Variants in RAD51B observed in about 807,000 individuals in gnomAD.
RAD51B encodes the protein DNA repair protein RAD51 homolog 2.
Under a neutral mutation model 42.2 loss-of-function variants are expected in RAD51B, and 38 were observed. That is an observed-to-expected ratio of 0.90 (90% confidence interval 0.70 to 1.18). The LOEUF (loss-of-function observed/expected upper bound fraction) is 1.18, where lower values mean the gene tolerates loss of function less well. Ranked by LOEUF, RAD51B falls within the 50% of genes most tolerant of loss-of-function variation. The pLI is 0.00. For missense variants in RAD51B, 373 were observed against 400.7 expected, an observed-to-expected ratio of 0.93 and a Z score of 0.59; for synonymous variants, 154 against 145.2, an observed-to-expected ratio of 1.06 and a Z score of -0.43.
rs74059324 is a variant in RAD51B at position 68,488,700 on chromosome 14, A to G, written c.1036+20450A>G. Among the ~76,000 whole-genome samples the G allele has an allele frequency of 4.6e-3, 708 of 152,280 alleles. 7 individuals are homozygous for G. Among genetic ancestry groups the G allele is most frequent in the African/African-American group, 0.016 (664 of 41,542 alleles). ...CCACCCTGCTCTTTGGCTACACATT[A>G]TCACTTTTCCTTGTTGTATTCGGAG... is the stretch of plus-strand genomic sequence containing the variant. On this transcript the variant is annotated intron_variant, in intron 10 of 10. Coordinates refer to the RAD51B transcript ENST00000487270.
chr14:68,019,388 A>G (rs1206108943), intron 7 of RAD51B, among the ~76,000 whole-genome samples: 1 of 152,186 alleles, frequency 6.6e-6, no homozygotes, highest in Non-Finnish European at 1.5e-5. Flanking sequence ...CAATTTCTGT[A>G]TATTCTTTTT....
chr14:68,392,167 T>C (rs998348187), intron 8 of RAD51B, among the ~76,000 whole-genome samples: 2 of 152,208 alleles, frequency 1.3e-5, no homozygotes, highest in Non-Finnish European at 2.9e-5. Context: ...TCAATGTTAT[T>C]TCATTAAAAT....
At chr14:67,926,742 T>A (rs1416478773) in intron 7 of RAD51B, among the ~76,000 whole-genome samples, 1 of 151,922 alleles carries the variant, frequency 6.6e-6, no homozygotes, top group Non-Finnish European at 1.5e-5. Context: ...TTTTGTGTTT[T>A]TAGTAGGGGT....
intron 9 of RAD51B, among the ~76,000 whole-genome samples, chr14:68,446,631 A>G (rs117509179): frequency 0.012 from 1,782 of 152,356 alleles, 17 homozygotes; most frequent in Non-Finnish European, 0.019. Context: ...TTGGTAGGAT[A>G]TAAGCCTGGA....
At chr14:68,100,631 C>T (rs1425048480) in intron 7 of RAD51B, among the ~76,000 whole-genome samples, 1 of 152,116 alleles carries the variant, frequency 6.6e-6, no homozygotes, top group Non-Finnish European at 1.5e-5. Flanking sequence ...GTGCTTTACT[C>T]TTTTTTTCTC....
intron 7 of RAD51B, among the ~76,000 whole-genome samples, chr14:68,146,940 T>C (rs1424597750): frequency 6.6e-6 from 1 of 152,186 alleles, no homozygotes; most frequent in African/African-American, 2.4e-5. Context: ...GGATATTGGA[T>C]AATCAAATAT....
intron 7 of RAD51B, among the ~76,000 whole-genome samples, chr14:67,895,326 G>C (rs1287589445): frequency 6.6e-6 from 1 of 152,176 alleles, no homozygotes; most frequent in Non-Finnish European, 1.5e-5. Flanking sequence ...TGAGTACAGG[G>C]ATGCAGAGAA....
At chr14:68,087,920 TTA>T (rs1170658257) in intron 7 of RAD51B, among the ~76,000 whole-genome samples, 101 of 115,596 alleles carry the variant, frequency 8.7e-4, no homozygotes, top group African/African-American at 3.5e-3. Flanking sequence ...ATATAATATA[TTA>T]TATATAATTA....
At chr14:67,923,729 C>G (rs1253960545) in intron 7 of RAD51B, among the ~76,000 whole-genome samples, 1 of 152,186 alleles carries the variant, frequency 6.6e-6, no homozygotes, top group Non-Finnish European at 1.5e-5. Flanking sequence ...TTCTTTTCCT[C>G]TGGTTAGATA....
intron 10 of RAD51B, among the ~76,000 whole-genome samples, chr14:68,604,142 C>G (rs770032455): frequency 6.6e-6 from 1 of 152,190 alleles, no homozygotes; most frequent in Non-Finnish European, 1.5e-5. Context: ...CTGGGGAGTC[C>G]GTCTAGAAAG....
At chr14:68,432,020 T>C (rs1454237826) in intron 9 of RAD51B, among the ~76,000 whole-genome samples, 2 of 152,248 alleles carry the variant, frequency 1.3e-5, no homozygotes, top group East Asian at 1.9e-4. Flanking sequence ...CCAGTAGTCA[T>C]TCAGCAGCAG....
chr14:68,444,982 T>A (rs1415834759), intron 9 of RAD51B, among the ~76,000 whole-genome samples: 1 of 152,178 alleles, frequency 6.6e-6, no homozygotes, highest in Non-Finnish European at 1.5e-5. Context: ...ACAAAGCAGC[T>A]GTGTGGGTCC....
At chr14:67,898,376 A>G (rs1241986336) in intron 7 of RAD51B, among the ~76,000 whole-genome samples, 3 of 152,256 alleles carry the variant, frequency 2.0e-5, no homozygotes, top group African/African-American at 7.2e-5. Flanking sequence ...TATGGAATCT[A>G]AAATAGTCAA....
At chr14:68,445,634 A>G (rs2085403607) in intron 9 of RAD51B, among the ~76,000 whole-genome samples, 1 of 152,194 alleles carries the variant, frequency 6.6e-6, no homozygotes, top group Admixed American at 6.5e-5. Flanking sequence ...GCTTTCCTGA[A>G]CCCCACCTTC....
intron 7 of RAD51B, among the ~76,000 whole-genome samples, chr14:68,169,744 GAA>G (rs1342143152): frequency 6.6e-6 from 1 of 152,050 alleles, no homozygotes; most frequent in African/African-American, 2.4e-5. Context: ...GGGTATATTT[GAA>G]TTGATGGATA....
At chr14:68,196,619 T>C (rs2079379247) in intron 7 of RAD51B, among the ~76,000 whole-genome samples, 1 of 152,178 alleles carries the variant, frequency 6.6e-6, no homozygotes, top group Non-Finnish European at 1.5e-5. Flanking sequence ...CTCTTCCTCC[T>C]CTTTTTATTC....
intron 7 of RAD51B, among the ~76,000 whole-genome samples, chr14:68,183,421 C>T (rs749345811): frequency 2.0e-5 from 3 of 152,334 alleles, no homozygotes; most frequent in African/African-American, 7.2e-5. Flanking sequence ...GCCACACTGG[C>T]AGCTGATTAG....
chr14:67,979,821 G>T (rs2075058718), intron 7 of RAD51B, among the ~76,000 whole-genome samples: 1 of 151,994 alleles, frequency 6.6e-6, no homozygotes, highest in South Asian at 2.1e-4. Context: ...TTATACTTCT[G>T]AGTACATGAT....
At chr14:68,058,491 C>G (rs897747023) in intron 7 of RAD51B, among the ~76,000 whole-genome samples, 6 of 152,186 alleles carry the variant, frequency 3.9e-5, no homozygotes, top group African/African-American at 1.4e-4. Flanking sequence ...CAAAGATAAT[C>G]TGTGCACAAA....
Sources: allele counts gnomAD v4.1 joint callset (sites outside exome capture counted in the v4.1 genomes callset), GRCh38; gene constraint gnomAD v4.1.1; transcripts MANE v1.5; gene names NCBI Gene and HGNC (gene_info 2026-07-23, HGNC 2026-07-21).